The following LYRM4 variants were observed in gnomAD, a reference collection of about 807,000 sequenced individuals.
LYRM4 encodes the protein LYR motif-containing protein 4.
A neutral mutation model predicts 11.7 loss-of-function variants in LYRM4; 9 were observed. The ratio of observed to expected loss-of-function variants is 0.77; its 90% CI spans 0.46 to 1.34. The LOEUF (loss-of-function observed/expected upper bound fraction) is 1.34. Ranked by LOEUF, LYRM4 falls within the 40% of genes most tolerant of loss-of-function variation. The probability of loss-of-function intolerance (pLI) is 0.00; values close to 1 mark genes in which losing one functional copy is unlikely to be tolerated. For missense variants in LYRM4, 133 were observed against 112.5 expected (o/e 1.18, Z -0.82); for synonymous variants, 42 against 40.4 (o/e 1.04, Z -0.15).
intron 1 of LYRM4, among the ~76,000 whole-genome samples, chr6:5,240,890 A>T (rs750194371): frequency 1.3e-5 from 2 of 152,220 alleles, no homozygotes; most frequent in Non-Finnish European, 2.9e-5. Context: ...CGTCAGTCTT[A>T]TTATCACTTA....
At position 5,141,462 on chromosome 6, in the gene LYRM4, A is replaced by G. The variant is rs140706675; in HGVS notation, c.208-31971T>C. Among the ~76,000 whole-genome samples the G allele has an allele frequency of 2.6e-4, 40 of 152,348 alleles. No individual in the cohort carries two copies. The East Asian group carries it at 6.7e-3, about 26-fold the overall frequency. ...GAAGAGCCTCTTCAATAGCCTGGGCAGGAACTTGTAAATACAGGATTTCTT... is the reference window on the plus strand; with the variant it reads ...GAAGAGCCTCTTCAATAGCCTGGGCGGGAACTTGTAAATACAGGATTTCTT... On this transcript the variant is annotated intron_variant, in intron 2 of 2. Transcript: ENST00000330636.
intron 2 of LYRM4, among the ~76,000 whole-genome samples, chr6:5,146,003 T>A (rs1158507302): frequency 6.6e-6 from 1 of 152,224 alleles, no homozygotes; most frequent in Admixed American, 6.5e-5. Context: ...GCAATTAATT[T>A]TTCTCATGAT....
chr6:5,194,776 T>C (rs574078831), intron 2 of LYRM4, among the ~76,000 whole-genome samples: 17 of 152,320 alleles, frequency 1.1e-4, no homozygotes, highest in Admixed American at 1.0e-3. Context: ...CAGGCTGGAG[T>C]GCAGTGGCAC....
chr6:5,136,417 G>A (rs1468633780), intron 2 of LYRM4: 1 of 984,746 alleles, frequency 1.0e-6, no homozygotes, highest in African/African-American at 1.7e-5. Context: ...TTAAGAGCCT[G>A]GGGTTTGTCC....
chr6:5,158,102 C>T (rs56130420), intron 2 of LYRM4, among the ~76,000 whole-genome samples: 51,872 of 152,098 alleles, frequency 0.34, 9,668 homozygotes, highest in East Asian at 0.61. Context: ...AAATAGCTCC[C>T]ACCACCCAAA....
intron 2 of LYRM4, among the ~76,000 whole-genome samples, chr6:5,127,738 C>T (rs1023047762): frequency 6.6e-6 from 1 of 152,094 alleles, no homozygotes; most frequent in Non-Finnish European, 1.5e-5. Context: ...TAAAATGTGG[C>T]AACTAGACAA....
At chr6:5,073,999 C>T in the LYRM4 span, among the ~76,000 whole-genome samples, 1 of 150,944 alleles carries the variant, frequency 6.6e-6, no homozygotes. Flanking sequence ...ACTATTCCAA[C>T]ACCACCAATG....
At chr6:5,054,637 A>C in the LYRM4 span, among the ~76,000 whole-genome samples, 2 of 152,194 alleles carry the variant, frequency 1.3e-5, no homozygotes, top group African/African-American at 2.4e-5. Flanking sequence ...GCCAAGAAGG[A>C]TTCCAAAAAA....
At chr6:5,115,121 T>C (rs894856469) in intron 2 of LYRM4, among the ~76,000 whole-genome samples, 2 of 152,378 alleles carry the variant, frequency 1.3e-5, no homozygotes, top group Admixed American at 6.5e-5. Context: ...CACTCCCATA[T>C]GATGAACATT....
At chr6:5,078,702 A>T in the LYRM4 span, among the ~76,000 whole-genome samples, 1 of 152,296 alleles carries the variant, frequency 6.6e-6, no homozygotes, top group African/African-American at 2.4e-5. Flanking sequence ...AATTCATTGC[A>T]AGTGTATTCC....
intron 1 of LYRM4, among the ~76,000 whole-genome samples, chr6:5,249,625 C>T (rs897058170): frequency 6.6e-6 from 1 of 152,136 alleles, no homozygotes; most frequent in Non-Finnish European, 1.5e-5. Context: ...ATGTCATAAC[C>T]TTGGCAACTT....
At chr6:5,075,545 A>C in the LYRM4 span, among the ~76,000 whole-genome samples, 1 of 152,240 alleles carries the variant, frequency 6.6e-6, no homozygotes, top group Admixed American at 6.5e-5. Context: ...GGTGGGTCAC[A>C]CTGGGGAGGC....
At chr6:5,236,530 C>T (rs2127750066) in intron 1 of LYRM4, 1 of 151,786 alleles carries the variant, frequency 6.6e-6, no homozygotes. Flanking sequence ...ATTTTTGGTA[C>T]ATGTTAAGTG....
chr6:5,243,911 T>A (rs1050978369), intron 1 of LYRM4, among the ~76,000 whole-genome samples: 1 of 152,250 alleles, frequency 6.6e-6, no homozygotes, highest in African/African-American at 2.4e-5. Context: ...ACACCAAATT[T>A]TGCCCATAAT....
At chr6:5,257,699 T>G (rs773885569) in intron 1 of LYRM4, among the ~76,000 whole-genome samples, 16 of 152,172 alleles carry the variant, frequency 1.1e-4, no homozygotes, top group Admixed American at 2.0e-4. Flanking sequence ...GTGATCTAGG[T>G]TGCATGCTCC....
the LYRM4 span, among the ~76,000 whole-genome samples, chr6:5,093,565 A>G: frequency 3.5e-4 from 54 of 152,392 alleles, no homozygotes; most frequent in South Asian, 0.011. Context: ...AATCTTACAA[A>G]ATGAGTCTGG....
the LYRM4 span, among the ~76,000 whole-genome samples, chr6:5,040,031 C>G: frequency 3.9e-5 from 6 of 152,168 alleles, no homozygotes; most frequent in Non-Finnish European, 7.3e-5. Flanking sequence ...CCTGATAGAT[C>G]AATTAGATAG....
the LYRM4 span, among the ~76,000 whole-genome samples, chr6:5,058,401 T>C: frequency 7.9e-5 from 12 of 152,114 alleles, no homozygotes; most frequent in Non-Finnish European, 1.6e-4. Context: ...TGTTCTAAGG[T>C]CCGGGGCTTA....
chr6:5,109,426 G>A lies in LYRM4; in HGVS notation c.273C>T (p.Thr91=), dbSNP rs543474082. The A allele has an allele frequency of 4.1e-5, 66 of 1,614,060 alleles. No homozygotes were observed. The South Asian group carries it at 6.7e-4, about 16-fold the overall frequency. ...CTGGTGGCTGGTCCCCGGCTTGCTA[G>A]GTCCTGGGCATGTCTCGATTCTCAA... is the stretch of plus-strand genomic sequence containing the variant. The part of the protein sequence containing the change: ...LIIENRDMPR[T] The change falls in exon 3 of 3, where the codon ACC becomes ACT. Residue 91 remains threonine, a synonymous_variant. Coordinates refer to ENST00000330636, the MANE Select transcript of LYRM4 (RefSeq NM_020408.6).
Sources: gnomAD v4.1 joint callset for allele counts (sites outside exome capture counted in the v4.1 genomes callset) on GRCh38, gnomAD v4.1.1 for gene constraint, MANE v1.5 for transcripts, NCBI Gene and HGNC (gene_info 2026-07-23, HGNC 2026-07-21) for gene names.